The following LRRC1 variants were observed in gnomAD, a reference collection of about 807,000 sequenced individuals.
LRRC1 encodes the protein leucine rich repeat containing 1.
Under a neutral mutation model 69.9 loss-of-function variants are expected in LRRC1, and 28 were observed. The observed-to-expected ratio is 0.40, with a 90% confidence interval of 0.30 to 0.55. The LOEUF is 0.55. Among genes scored for constraint, LRRC1 ranks in the 20% least tolerant of loss-of-function variants. The probability of loss-of-function intolerance (pLI) is 0.47; values close to 1 mark genes in which losing one functional copy is unlikely to be tolerated. For missense variants in LRRC1, 498 were observed against 609.0 expected (o/e 0.82, Z 1.92); for synonymous variants, 236 against 240.2 (o/e 0.98, Z 0.16).
intron 2 of LRRC1, among the ~76,000 whole-genome samples, chr6:53,867,569 A>G (rs1766743106): frequency 6.6e-6 from 1 of 152,250 alleles, no homozygotes; most frequent in African/African-American, 2.4e-5. Flanking sequence ...GACATTTTAT[A>G]AATATCAAAT....
Position 53,842,241 on chromosome 6 carries a change from C to T in LRRC1, c.277+14C>T. ...TGTCTCGAAATGGTAAGAAAGATTCCACTTGGGTTGCCTATTTGTCTCTTC... is the reference window on the plus strand; with the variant it reads ...TGTCTCGAAATGGTAAGAAAGATTCTACTTGGGTTGCCTATTTGTCTCTTC... On this transcript the variant is annotated intron_variant, in intron 2 of 13. Transcript: ENST00000370888. The T allele has an allele frequency of 6.3e-7, 1 of 1,581,422 alleles. No homozygotes were observed. The highest frequency in any genetic ancestry group is 8.7e-7 in the Non-Finnish European group (1 of 1,151,548).
chr6:53,795,357 A>G lies in LRRC1; in HGVS notation c.101A>G (p.Tyr34Cys), dbSNP rs1314630463. ...LVYVPEEIYR[Y>C]ARSLEELLLD... The stretch of plus-strand genomic sequence containing the variant: ...TACGTCCCCGAGGAGATCTACCGCT[A>G]TGCCCGGAGCCTGGAGGAGCTGCTG... The change falls in exon 1 of 14, where the codon TAT becomes TGT. Residue 34 changes from tyrosine (Y) to cysteine (C), a missense_variant. Coordinates refer to ENST00000370888, the MANE Select transcript of LRRC1 (RefSeq NM_018214.5). 6.2e-7 allele frequency: 1 copy of G among 1,613,838 alleles called. No individual in the cohort carries two copies. The highest frequency in any genetic ancestry group is 1.7e-5 in the Admixed American group (1 of 60,022).
chr6:53,895,587 CT>C (rs1423081004), intron 4 of LRRC1, among the ~76,000 whole-genome samples: 3 of 152,164 alleles, frequency 2.0e-5, no homozygotes, highest in Non-Finnish European at 2.9e-5. Context: ...CAAAATGTGA[CT>C]TTTTGGTTGG....
At chr6:53,830,223 A>C (rs1262082044) in intron 1 of LRRC1, among the ~76,000 whole-genome samples, 1 of 152,250 alleles carries the variant, frequency 6.6e-6, no homozygotes, top group Non-Finnish European at 1.5e-5. Flanking sequence ...AGTAAAAATA[A>C]AATGTAAAGA....
chr6:53,833,651 AGG>A (rs1765527127), intron 1 of LRRC1, among the ~76,000 whole-genome samples: 1 of 152,208 alleles, frequency 6.6e-6, no homozygotes, highest in South Asian at 2.1e-4. Context: ...CATAAAGAAA[AGG>A]GTACTTGTGC....
chr6:53,858,858 A>G (rs1766405086), intron 2 of LRRC1, among the ~76,000 whole-genome samples: 1 of 152,232 alleles, frequency 6.6e-6, no homozygotes, highest in Non-Finnish European at 1.5e-5. Flanking sequence ...TAAATCAGAG[A>G]TGATGGGTGT....
intron 10 of LRRC1, among the ~76,000 whole-genome samples, chr6:53,911,855 TTCTG>T (rs1401648617): frequency 6.6e-6 from 1 of 152,218 alleles, no homozygotes; most frequent in Non-Finnish European, 1.5e-5. Context: ...TCCATGATAT[TTCTG>T]GGCACCTAGG....
Position 53,904,474 on chromosome 6 carries a change from T to G in LRRC1, c.990+12T>G, listed in dbSNP as rs1768168660. The G allele has an allele frequency of 2.0e-6, 3 of 1,498,268 alleles. No individual in the cohort carries two copies. The highest frequency in any genetic ancestry group is 1.8e-6 in the Non-Finnish European group (2 of 1,084,952). 92.8% of individuals were successfully genotyped at this position (1,498,268 alleles called of 1,614,324 possible). A position where few individuals can be genotyped will look rare whatever the true frequency, so the allele number is the denominator to read the frequency against. ...CCTTACCAAAAGAGGTATGTGCTTT[T>G]AGAGAAATCACATGATAATAATTAT... On this transcript the variant is annotated intron_variant, in intron 10 of 13. Transcript: ENST00000370888.
chr6:53,878,459 G>T (rs1767147581), intron 2 of LRRC1, among the ~76,000 whole-genome samples: 2 of 152,198 alleles, frequency 1.3e-5, no homozygotes, highest in Admixed American at 1.3e-4. Context: ...GGGGTGATGG[G>T]AAACAGATCA....
intron 1 of LRRC1, among the ~76,000 whole-genome samples, chr6:53,802,266 C>T (rs774343083): frequency 9.9e-5 from 15 of 152,062 alleles, no homozygotes; most frequent in Non-Finnish European, 1.9e-4. Flanking sequence ...GAATAGAGTC[C>T]GGGAGACCAG....
intron 3 of LRRC1, among the ~76,000 whole-genome samples, chr6:53,879,452 A>G (rs1767190383): frequency 6.6e-6 from 1 of 151,976 alleles, no homozygotes; most frequent in African/African-American, 2.4e-5. Flanking sequence ...TGCCTGGCTA[A>G]TTTTTGTATT....
chr6:53,853,303 G>C (rs1370866696), intron 2 of LRRC1, among the ~76,000 whole-genome samples: 1 of 70,664 alleles, frequency 1.4e-5, no homozygotes, highest in Non-Finnish European at 2.7e-5. Context: ...TTTTTTTTTT[G>C]AGACGAAGTT....
chr6:53,803,901 G>A (rs1308834731), intron 1 of LRRC1, among the ~76,000 whole-genome samples: 1 of 152,152 alleles, frequency 6.6e-6, no homozygotes, highest in African/African-American at 2.4e-5. Context: ...GTCCACCCCC[G>A]CTTCTTGGGA....
At chr6:53,800,983 G>C (rs1281302432) in intron 1 of LRRC1, among the ~76,000 whole-genome samples, 1 of 152,178 alleles carries the variant, frequency 6.6e-6, no homozygotes, top group African/African-American at 2.4e-5. Flanking sequence ...GTGACATCTT[G>C]ATGACCTTAT....
chr6:53,805,310 G>A (rs74514484), intron 1 of LRRC1, among the ~76,000 whole-genome samples: 178 of 152,268 alleles, frequency 1.2e-3, no homozygotes, highest in East Asian at 0.01. Context: ...CATTGCAGAC[G>A]GGGAGCTTTT....
chr6:53,804,679 T>C (rs1188011141), intron 1 of LRRC1, among the ~76,000 whole-genome samples: 1 of 152,266 alleles, frequency 6.6e-6, no homozygotes, highest in Admixed American at 6.5e-5. Context: ...AGTTTCTAAT[T>C]CTTTGCAATG....
At chr6:53,918,456 A>AT (rs964662038) in intron 11 of LRRC1, among the ~76,000 whole-genome samples, 29 of 152,132 alleles carry the variant, frequency 1.9e-4, no homozygotes, top group Non-Finnish European at 3.5e-4. Context: ...GCACTCTTTG[A>AT]TTTTTTTTAC....
At chr6:53,825,890 T>C (rs986680601) in intron 1 of LRRC1, among the ~76,000 whole-genome samples, 44 of 152,244 alleles carry the variant, frequency 2.9e-4, no homozygotes, top group African/African-American at 9.9e-4. Context: ...TTTATTGCCT[T>C]CTTTTTCTAT....
In LRRC1 at chr6:53,882,217, G is replaced by A. The variant is rs149587964; in HGVS notation, c.357-670G>A. Among the ~76,000 whole-genome samples, 336 of 152,228 alleles carry A rather than the reference G, an allele frequency of 2.2e-3. 6 individuals are homozygous for A. In the East Asian group the frequency reaches 0.041, roughly 19 times the overall value. On this transcript the variant is annotated intron_variant, in intron 3 of 13. Transcript: ENST00000370888. Reference sequence around the variant, plus strand: ...ACAAAAATTATCTGGGCGTGGTGGCGCGTGCCTGTAATCCCAGCTACTCAG... The same window carrying A: ...ACAAAAATTATCTGGGCGTGGTGGCACGTGCCTGTAATCCCAGCTACTCAG...
Sources: gnomAD v4.1 joint callset for allele counts (sites outside exome capture counted in the v4.1 genomes callset) on GRCh38, gnomAD v4.1.1 for gene constraint, MANE v1.5 for transcripts, NCBI Gene and HGNC (gene_info 2026-07-23, HGNC 2026-07-21) for gene names.